The following ASCC2 variants were observed in gnomAD, a reference collection of about 807,000 sequenced individuals.
The protein encoded by ASCC2 is activating signal cointegrator 1 complex subunit 2.
Under a neutral mutation model 93.5 loss-of-function variants are expected in ASCC2, and 42 were observed. The ratio of observed to expected loss-of-function variants is 0.45; its 90% CI spans 0.35 to 0.58. The LOEUF is 0.58. Ranked by LOEUF, ASCC2 falls within the 20% of genes least tolerant of loss-of-function variation. The probability of loss-of-function intolerance (pLI) is 0.00; values close to 1 mark genes in which losing one functional copy is unlikely to be tolerated. For synonymous variants in ASCC2, 364 were observed against 384.2 expected, an observed-to-expected ratio of 0.95 and a Z score of 0.62; for missense variants, 859 against 977.6, an observed-to-expected ratio of 0.88 and a Z score of 1.62.
chr22:29,836,562 T>C (rs1032613934), intron 1 of ASCC2: 4 of 152,050 alleles, frequency 2.6e-5, no homozygotes, highest in African/African-American at 9.7e-5. Context: ...AATCATTTCA[T>C]TCATTCCTTT....
At position 29,825,888 on chromosome 22, in the gene ASCC2, C is replaced by A; in HGVS notation, c.82-108G>T. The A allele has an allele frequency of 7.4e-7, 1 of 1,345,488 alleles. No homozygotes were observed. Among genetic ancestry groups the A allele is most frequent in the Non-Finnish European group, 1.0e-6 (1 of 979,388 alleles). 83.3% of individuals were successfully genotyped at this position (1,345,488 alleles called of 1,614,324 possible). ...TTGGCTGTTCCAACCGGTGACCCTC[C>A]AAGGAGCTTTTAAGCATAAAGAACC... is the stretch of plus-strand genomic sequence containing the variant. On this transcript the variant is annotated intron_variant, in intron 2 of 19. Coordinates refer to ENST00000307790, the MANE Select transcript of ASCC2 (RefSeq NM_032204.5). This position sits in a 1 kb window ranked among gnomAD's most constrained non-coding sequence, Gnocchi z 4.9.
chr22:29,789,439 G>T (rs1361782665), intron 19 of ASCC2, among the ~76,000 whole-genome samples: 1 of 152,220 alleles, frequency 6.6e-6, no homozygotes, highest in African/African-American at 2.4e-5. Context: ...TGTAGCGGAG[G>T]AACAGCTAGA....
chr22:29,831,043 A>G (rs775734449), intron 2 of ASCC2, among the ~76,000 whole-genome samples: 21 of 152,206 alleles, frequency 1.4e-4, no homozygotes, highest in Non-Finnish European at 2.2e-4. Flanking sequence ...CACTCACCAC[A>G]TGGGGCTATT....
At chr22:29,820,832 G>A (rs772455854) in intron 5 of ASCC2, among the ~76,000 whole-genome samples, 40 of 151,446 alleles carry the variant, frequency 2.6e-4, no homozygotes, top group Middle Eastern at 3.4e-3. Flanking sequence ...CTTGAACCTG[G>A]GAGGCGGAGG....
At chr22:29,807,909 AAACAACAAC>A (rs1045924954) in intron 9 of ASCC2, among the ~76,000 whole-genome samples, 193 bp downstream of exon 9, 32 of 151,896 alleles carry the variant, frequency 2.1e-4, no homozygotes, top group African/African-American at 7.5e-4. Flanking sequence ...ACCCTGTCTC[AAACAACAAC>A]AACAACAACA....
chr22:29,798,023 TC>T (rs2058640090), intron 15 of ASCC2, among the ~76,000 whole-genome samples: 2 of 152,180 alleles, frequency 1.3e-5, no homozygotes, highest in Non-Finnish European at 2.9e-5. Flanking sequence ...CACCTTGGCC[TC>T]CCAAAGTGCA....
At chr22:29,816,294 A>C (rs2060845670) in intron 5 of ASCC2, among the ~76,000 whole-genome samples, 1 of 152,164 alleles carries the variant, frequency 6.6e-6, no homozygotes, top group South Asian at 2.1e-4. Flanking sequence ...GACCTTGCTC[A>C]GTATGATTTA....
At chr22:29,836,971 C>T (rs2063874111) in intron 1 of ASCC2, among the ~76,000 whole-genome samples, 1 of 152,224 alleles carries the variant, frequency 6.6e-6, no homozygotes, top group Non-Finnish European at 1.5e-5. Context: ...TGGGGAAAGA[C>T]AGATACTTTT....
intron 2 of ASCC2, 33 bp downstream of exon 2, chr22:29,832,212 A>T: frequency 6.4e-7 from 1 of 1,562,676 alleles, no homozygotes; most frequent in Non-Finnish European, 8.8e-7. Flanking sequence ...GACTGACAAT[A>T]TCAGGCTGAA....
At chr22:29,812,648 C>T (rs552583509) in intron 8 of ASCC2, among the ~76,000 whole-genome samples, 2 of 152,314 alleles carry the variant, frequency 1.3e-5, no homozygotes, top group Admixed American at 6.5e-5. Context: ...TGTCCCCACC[C>T]TCTGCCTCAT....
intron 4 of ASCC2, among the ~76,000 whole-genome samples, chr22:29,824,821 G>A (rs755806484): frequency 1.4e-4 from 22 of 151,982 alleles, no homozygotes; most frequent in Admixed American, 2.6e-4. Context: ...TTTTCTCTCT[G>A]ACGCACAAGT....
chr22:29,800,648 C>T (rs551638077), intron 15 of ASCC2, among the ~76,000 whole-genome samples: 1 of 152,260 alleles, frequency 6.6e-6, no homozygotes, highest in East Asian at 1.9e-4. Context: ...AAAATCAGGT[C>T]AAAGAGTGGT....
intron 18 of ASCC2, among the ~76,000 whole-genome samples, chr22:29,791,296 G>A (rs1027702754): frequency 3.3e-5 from 5 of 152,074 alleles, no homozygotes; most frequent in African/African-American, 7.2e-5. Context: ...AGGATTGCTT[G>A]GGCCCAGGAG....
intron 1 of ASCC2, among the ~76,000 whole-genome samples, chr22:29,837,202 G>A (rs1602345443): frequency 6.6e-6 from 1 of 152,044 alleles, no homozygotes; most frequent in Non-Finnish European, 1.5e-5. Context: ...AGGCCAAGGC[G>A]GGCGGATCAC....
chr22:29,793,726 G>C (rs1286557529), intron 15 of ASCC2, 50 bp from the exon 16 acceptor site: 40 of 1,520,408 alleles, frequency 2.6e-5, no homozygotes. Context: ...AGGCTTGGAA[G>C]GCCGCAGGGT....
chr22:29,832,461 C>T, intron 1 of ASCC2, 119 bp from the exon 2 acceptor site: 1 of 765,834 alleles, frequency 1.3e-6, no homozygotes. Flanking sequence ...TTAGGAGGCT[C>T]CTGTTGTGGT....
Position 29,825,384 on chromosome 22 carries a change from A to C in ASCC2, c.241-127T>G. On this transcript the variant is annotated intron_variant, in intron 3 of 19. Coordinates refer to ENST00000307790, the MANE Select transcript of ASCC2 (RefSeq NM_032204.5). This position sits in a 1 kb window ranked among gnomAD's most constrained non-coding sequence, Gnocchi z 4.9. ...CCAAACACTCCGACCCCAAGGGACCAAGGAGGTATGAATGAGCCAAGGGCT... is the reference window on the plus strand; with the variant it reads ...CCAAACACTCCGACCCCAAGGGACCCAGGAGGTATGAATGAGCCAAGGGCT... 2 of 1,290,346 alleles carry C rather than the reference A, an allele frequency of 1.5e-6. No homozygotes were observed. Among genetic ancestry groups the C allele is most frequent in the South Asian group, 3.0e-5 (2 of 67,712 alleles). The allele number at this position is 1,290,346 out of a possible 1,614,324, so 79.9% of individuals were successfully genotyped here.
At chr22:29,811,933 T>C (rs2060320623) in intron 8 of ASCC2, among the ~76,000 whole-genome samples, 1 of 152,240 alleles carries the variant, frequency 6.6e-6, no homozygotes, top group Non-Finnish European at 1.5e-5. Context: ...TTCTGGATTT[T>C]CCAAATGTTC....
In ASCC2 at chr22:29,825,552, A is replaced by T. The variant is rs1374791739; in HGVS notation, c.240+70T>A. 2.5e-6 allele frequency: 4 copies of T among 1,607,300 alleles called. No homozygotes were observed. In the East Asian group the frequency reaches 8.9e-5, roughly 36 times the overall value. On this transcript the variant is annotated intron_variant, in intron 3 of 19. Coordinates refer to ENST00000307790, the MANE Select transcript of ASCC2 (RefSeq NM_032204.5). The surrounding 1 kb of genome is among the most constrained non-coding windows in gnomAD (Gnocchi z 4.9). ...AAAAAGCACCTCCTAGGGGAAGAAA[A>T]ACAACAACAGCAACCAACCAATGGC...
Sources: gnomAD v4.1 joint callset for allele counts (sites outside exome capture counted in the v4.1 genomes callset) on GRCh38, gnomAD v4.1.1 for gene constraint, Gnocchi (gnomAD v3.1) non-coding constraint, MANE v1.5 for transcripts, NCBI Gene and HGNC (gene_info 2026-07-23, HGNC 2026-07-21) for gene names.